The following MICU1 variants were observed in gnomAD, a reference collection of about 807,000 sequenced individuals.
MICU1 encodes the protein mitochondrial calcium uptake 1.
Under a neutral mutation model 56.8 loss-of-function variants are expected in MICU1, and 45 were observed. That is an observed-to-expected ratio of 0.79 (90% CI 0.62 to 1.02). MICU1 has a LOEUF of 1.02. Among genes scored for constraint, MICU1 ranks in the 50% least tolerant of loss-of-function variants. The pLI is 0.00. For synonymous variants in MICU1, 186 were observed against 195.1 expected, an observed-to-expected ratio of 0.95 and a Z score of 0.39; for missense variants, 504 against 587.1, an observed-to-expected ratio of 0.86 and a Z score of 1.46.
rs915835861 is a variant in MICU1, at chr10:72,374,990, T to A, written c.1270+793A>T. 2.6e-5 allele frequency among the ~76,000 whole-genome samples: 4 copies of A among 151,884 alleles called. No individual in the cohort carries two copies. The South Asian group carries it at 6.3e-4, about 24-fold the overall frequency. On this transcript the variant is annotated intron_variant, in intron 11 of 11. Transcript: ENST00000361114. ...TGTGCCTGGCTAATTTTTGTATTTT[T>A]AATAGAGACGGGGTTTCACCATGTT...
chr10:72,402,523 G>A (rs1193873138), intron 10 of MICU1, among the ~76,000 whole-genome samples: 3 of 151,588 alleles, frequency 2.0e-5, no homozygotes, highest in Non-Finnish European at 4.4e-5. Context: ...ATGCTACTGG[G>A]TTGCCGTCTT....
chr10:72,490,529 A>G (rs1313748486), intron 6 of MICU1, among the ~76,000 whole-genome samples: 4 of 152,166 alleles, frequency 2.6e-5, no homozygotes, highest in Non-Finnish European at 4.4e-5. Context: ...TAACAAGACC[A>G]CATTGTCACC....
chr10:72,412,117 A>G lies in MICU1; in HGVS notation c.1072-4080T>C, dbSNP rs559644105. ...GCCTCCTTAAAGTGAAGATGATGTC[A>G]GTCCCAAAATTCTTATTTTTTTGGT... is the stretch of plus-strand genomic sequence containing the variant. On this transcript the variant is annotated intron_variant, in intron 9 of 11. Coordinates refer to ENST00000361114, the MANE Select transcript of MICU1 (RefSeq NM_001195518.2). Among the ~76,000 whole-genome samples the G allele has an allele frequency of 2.3e-3, 345 of 152,348 alleles. 1 individual carries two copies. Among genetic ancestry groups the G allele is most frequent in the African/African-American group, 7.9e-3 (330 of 41,590 alleles).
At chr10:72,467,818 A>AT (rs967539455) in intron 8 of MICU1, 600 of 142,728 alleles carry the variant, frequency 4.2e-3, no homozygotes, top group Middle Eastern at 0.014. Flanking sequence ...AAACGTAACA[A>AT]TTTTTTTTTT....
At chr10:72,472,301 T>A (rs1865975776) in intron 8 of MICU1, among the ~76,000 whole-genome samples, 1 of 152,216 alleles carries the variant, frequency 6.6e-6, no homozygotes, top group African/African-American at 2.4e-5. Flanking sequence ...GGTATTACGA[T>A]TAATTTATGA....
At chr10:72,490,672 C>T (rs1866625018) in intron 6 of MICU1, among the ~76,000 whole-genome samples, 1 of 152,158 alleles carries the variant, frequency 6.6e-6, no homozygotes, top group Non-Finnish European at 1.5e-5. Flanking sequence ...TACTTTTCTG[C>T]ACAATGGCAA....
At chr10:72,454,408 C>T (rs1484565679) in intron 8 of MICU1, among the ~76,000 whole-genome samples, 2 of 151,712 alleles carry the variant, frequency 1.3e-5, no homozygotes, top group Admixed American at 6.6e-5. Flanking sequence ...GAGCTGAGAT[C>T]ATGCCATTGC....
Position 72,550,510 on chromosome 10 carries a change from T to C in MICU1, c.493+669A>G, listed in dbSNP as rs139095265. On this transcript the variant is annotated intron_variant, in intron 4 of 11. Transcript: ENST00000361114. Reference sequence around the variant, plus strand: ...TCTTGTTATTTGTGGTTATGTTCTATACAGTCACTGTGGACAATGAATTAG... The same window carrying C: ...TCTTGTTATTTGTGGTTATGTTCTACACAGTCACTGTGGACAATGAATTAG... 1.3e-3 allele frequency among the ~76,000 whole-genome samples: 205 copies of C among 152,350 alleles called. 1 individual carries two copies. Among genetic ancestry groups the C allele is most frequent in the Admixed American group, 4.0e-3 (61 of 15,306 alleles).
At chr10:72,443,277 G>T (rs1564872001) in intron 8 of MICU1, among the ~76,000 whole-genome samples, 1 of 152,052 alleles carries the variant, frequency 6.6e-6, no homozygotes, top group Non-Finnish European at 1.5e-5. Context: ...TTAGCCCTTT[G>T]TCAGATGAGT....
chr10:72,521,293 C>T (rs1341450393), intron 5 of MICU1, among the ~76,000 whole-genome samples: 3 of 152,024 alleles, frequency 2.0e-5, no homozygotes, highest in Non-Finnish European at 4.4e-5. Flanking sequence ...CCCAAGAAAC[C>T]GTGTTGATGA....
At chr10:72,586,358 C>T (rs988856557) in intron 1 of MICU1, among the ~76,000 whole-genome samples, 8 of 151,852 alleles carry the variant, frequency 5.3e-5, no homozygotes, top group Admixed American at 6.6e-5. Context: ...AATAAAGAAC[C>T]CATGGATAAA....
At chr10:72,407,885 C>T (rs376730001) in intron 10 of MICU1, 44 bp downstream of exon 10, 1 of 1,312,918 alleles carries the variant, frequency 7.6e-7, no homozygotes. Context: ...GATTACAGAT[C>T]CAATGTTCAT....
In MICU1 at chr10:72,413,194, CA is replaced by C. The variant is rs577019091; in HGVS notation, c.1072-5158del. Reference sequence around the variant, plus strand: ...CCTGGGCAGCAGTGAAACTCTGTCTCAAAAAAAGACAAAAAACAAAAACAAA... The same window carrying C: ...CCTGGGCAGCAGTGAAACTCTGTCTCAAAAAAGACAAAAAACAAAAACAAA... On this transcript the variant is annotated intron_variant, in intron 9 of 11. Transcript: ENST00000361114. 1.4e-3 allele frequency among the ~76,000 whole-genome samples: 209 copies of C among 150,936 alleles called. 1 individual carries two copies. The highest frequency in any genetic ancestry group is 4.9e-3 in the African/African-American group (200 of 40,708).
In MICU1 at chr10:72,437,717, C is replaced by T. The variant is rs183584973; in HGVS notation, c.934-14346G>A. 3.0e-3 allele frequency among the ~76,000 whole-genome samples: 449 copies of T among 151,694 alleles called. 1 individual carries two copies. The highest frequency in any genetic ancestry group is 4.1e-3 in the African/African-American group (169 of 41,396). On this transcript the variant is annotated intron_variant, in intron 8 of 11. Coordinates refer to ENST00000361114, the MANE Select transcript of MICU1 (RefSeq NM_001195518.2). ...GATGGAGGAAGATCTACCAAGGAAACGGAAAACAAAAAAAAGCAGTGGTTG... is the reference window on the plus strand; with the variant it reads ...GATGGAGGAAGATCTACCAAGGAAATGGAAAACAAAAAAAAGCAGTGGTTG...
At chr10:72,559,147 C>G (rs1840230093) in intron 3 of MICU1, among the ~76,000 whole-genome samples, 1 of 152,014 alleles carries the variant, frequency 6.6e-6, no homozygotes, top group South Asian at 2.1e-4. Flanking sequence ...ATGATTGCAC[C>G]ACTGCACTCC....
At chr10:72,385,256 G>C (rs1356430659) in intron 10 of MICU1, among the ~76,000 whole-genome samples, 1 of 151,996 alleles carries the variant, frequency 6.6e-6, no homozygotes, top group Non-Finnish European at 1.5e-5. Flanking sequence ...TTGGGAGGCC[G>C]AGCTGGGCAG....
chr10:72,486,164 A>C (rs552121680), intron 6 of MICU1, among the ~76,000 whole-genome samples: 3 of 152,350 alleles, frequency 2.0e-5, no homozygotes, highest in African/African-American at 7.2e-5. Context: ...TAAGGGAAAT[A>C]CAAGAAAACT....
chr10:72,609,520 G>C (rs1187450855), intron 1 of MICU1, among the ~76,000 whole-genome samples: 1 of 152,038 alleles, frequency 6.6e-6, no homozygotes, highest in Non-Finnish European at 1.5e-5. Flanking sequence ...AGATCACGAG[G>C]TCAGGAGATC....
At chr10:72,526,156 G>C (rs966996310) in intron 5 of MICU1, among the ~76,000 whole-genome samples, 1 of 152,000 alleles carries the variant, frequency 6.6e-6, no homozygotes, top group African/African-American at 2.4e-5. Context: ...CTGAGTAAAT[G>C]TTTTAAAAAT....
Sources: gnomAD v4.1 joint callset for allele counts (sites outside exome capture counted in the v4.1 genomes callset) on GRCh38, gnomAD v4.1.1 for gene constraint, MANE v1.5 for transcripts, NCBI Gene and HGNC (gene_info 2026-07-23, HGNC 2026-07-21) for gene names.